The following CPED1 variants were observed in gnomAD, a reference collection of about 807,000 sequenced individuals.
CPED1 encodes the protein cadherin-like and PC-esterase domain-containing protein 1.
CPED1 carries 114 observed loss-of-function variants against 128.2 expected under a neutral mutation model. The ratio of observed to expected loss-of-function variants is 0.89; its 90% CI spans 0.76 to 1.04. The LOEUF (loss-of-function observed/expected upper bound fraction) is 1.04, where lower values mean the gene tolerates loss of function less well. Ranked by LOEUF, CPED1 falls within the 50% of genes least tolerant of loss-of-function variation. The pLI, the probability that CPED1 is intolerant of heterozygous loss-of-function variation, is 0.00. For missense variants in CPED1, 1,211 were observed against 1,207.1 expected (o/e 1.00, Z -0.05); for synonymous variants, 462 against 426.7 (o/e 1.08, Z -1.02).
At chr7:121,119,612 T>C (rs1219461734) in intron 7 of CPED1, among the ~76,000 whole-genome samples, 1 of 150,704 alleles carries the variant, frequency 6.6e-6, no homozygotes, top group Non-Finnish European at 1.5e-5. Context: ...GATCACGAGG[T>C]CAGGAGATCG....
At position 121,124,146 on chromosome 7, in the gene CPED1, A is replaced by G. The variant is rs116837075; in HGVS notation, c.919-185A>G. 7.1e-3 allele frequency among the ~76,000 whole-genome samples: 1,077 copies of G among 152,282 alleles called. 16 individuals are homozygous for G. The highest frequency in any genetic ancestry group is 0.025 in the African/African-American group (1,033 of 41,556). On this transcript the variant is annotated intron_variant, in intron 7 of 22. Transcript: ENST00000310396. ...TCTAAAGAAATTTAAATTACAAGAC[A>G]TTTAAACCTTTCTCTTTCAATATAC...
intron 9 of CPED1, among the ~76,000 whole-genome samples, chr7:121,126,677 C>G (rs1795512037): frequency 6.6e-6 from 1 of 152,044 alleles, no homozygotes; most frequent in South Asian, 2.1e-4. Context: ...CAAGATTTCT[C>G]CATAAAAATT....
chr7:121,287,055 C>A (rs60260855), intron 22 of CPED1, among the ~76,000 whole-genome samples: 16,446 of 152,224 alleles, frequency 0.11, 1,146 homozygotes, highest in East Asian at 0.23. Flanking sequence ...ATGAAAACAG[C>A]ATGGAGGAAA....
At chr7:121,274,976 A>G (rs1418145471) in intron 22 of CPED1, among the ~76,000 whole-genome samples, 1 of 152,140 alleles carries the variant, frequency 6.6e-6, no homozygotes. Context: ...AAAGCTTACC[A>G]TAAAATACTA....
At position 121,063,240 on chromosome 7, in the gene CPED1, T is replaced by G. The variant is rs1793726513; in HGVS notation, c.541-998T>G. Among the ~76,000 whole-genome samples the G allele has an allele frequency of 2.0e-5, 3 of 152,112 alleles. No homozygotes were observed. In the South Asian group the frequency reaches 6.2e-4, roughly 32 times the overall value. ...TAAAGTAGCAAGGATTGGGGAAGAT[T>G]TCATCAATGCACAGTTGCCAAGCAC... On this transcript the variant is annotated intron_variant, in intron 4 of 22. Transcript: ENST00000310396.
At chr7:120,989,253 A>G in intron 1 of CPED1, 138 bp from the exon 2 acceptor site, 1 of 214,608 alleles carries the variant, frequency 4.7e-6, no homozygotes, top group Non-Finnish European at 9.4e-6. Context: ...TGCAAAGCTG[A>G]GGCAGAGTCG....
chr7:121,218,319 G>A (rs902879217), intron 16 of CPED1, among the ~76,000 whole-genome samples: 3 of 151,868 alleles, frequency 2.0e-5, no homozygotes, highest in African/African-American at 7.2e-5. Flanking sequence ...ATTGTAGACA[G>A]GAAATGTCCA....
chr7:121,124,654 T>C (rs1482374940), intron 8 of CPED1, among the ~76,000 whole-genome samples, 181 bp downstream of exon 8: 4 of 152,106 alleles, frequency 2.6e-5, no homozygotes, highest in South Asian at 2.1e-4. Context: ...CCTAAAACTT[T>C]AGAACGTGTG....
chr7:121,143,982 A>C (rs943266570), intron 16 of CPED1, among the ~76,000 whole-genome samples: 1 of 152,044 alleles, frequency 6.6e-6, no homozygotes, highest in Non-Finnish European at 1.5e-5. Flanking sequence ...GATACACACA[A>C]ATATGAAACA....
At chr7:121,167,801 G>A (rs1279003618) in intron 16 of CPED1, among the ~76,000 whole-genome samples, 8 of 142,658 alleles carry the variant, frequency 5.6e-5, no homozygotes, top group Admixed American at 1.5e-4. Context: ...GAGCGATCTC[G>A]GCCCACTGCA....
At chr7:121,227,007 A>C (rs1798029953) in intron 16 of CPED1, among the ~76,000 whole-genome samples, 2 of 152,084 alleles carry the variant, frequency 1.3e-5, no homozygotes. Flanking sequence ...GAAATTTCTC[A>C]AAAGGGAGAA....
chr7:121,060,749 A>C (rs956848418), intron 4 of CPED1, among the ~76,000 whole-genome samples: 1 of 152,224 alleles, frequency 6.6e-6, no homozygotes, highest in Non-Finnish European at 1.5e-5. Flanking sequence ...AGATAAGAGA[A>C]TAAAAGCAGG....
At chr7:121,008,773 A>G (rs759647880) in intron 2 of CPED1, among the ~76,000 whole-genome samples, 35 of 152,010 alleles carry the variant, frequency 2.3e-4, no homozygotes, top group Non-Finnish European at 4.0e-4. Context: ...TAGCCCTCCT[A>G]GTGAGGGCTA....
rs775908305 is a variant in CPED1 at position 121,291,305 on chromosome 7, G to A, written c.2869-4135G>A. ...ATACGGGCTTCTTTTGGTTTCATAT[G>A]AAATTTAAAGTAGTTTTCTAATTCT... On this transcript the variant is annotated intron_variant, in intron 22 of 22. Transcript: ENST00000310396. Among the ~76,000 whole-genome samples, 22 of 152,268 alleles carry A rather than the reference G, an allele frequency of 1.4e-4. No individual in the cohort carries two copies. In the Middle Eastern group the frequency reaches 0.01, roughly 71 times the overall value.
rs1684126379 is a variant in CPED1, at chr7:121,296,981, C to T, written c.*1329C>T. ...ATCAGTTCTTTTGTATGAATATCCACCTCCTTTAAATACTCTATTTTTATA... is the reference window on the plus strand; with the variant it reads ...ATCAGTTCTTTTGTATGAATATCCATCTCCTTTAAATACTCTATTTTTATA... On this transcript the variant is annotated 3_prime_UTR_variant, in exon 23 of 23. Transcript: ENST00000310396. 1.3e-5 allele frequency: 2 copies of T among 151,900 alleles called. No homozygotes were observed. Among genetic ancestry groups the T allele is most frequent in the Admixed American group, 6.6e-5 (1 of 15,240 alleles). The allele number at this position is 151,900 out of a possible 1,614,324, so 9.4% of individuals were successfully genotyped here.
intron 16 of CPED1, among the ~76,000 whole-genome samples, chr7:121,162,951 A>G (rs1584560239): frequency 6.6e-6 from 1 of 152,358 alleles, no homozygotes; most frequent in East Asian, 1.9e-4. Context: ...TAAGAGGCCA[A>G]TTCCTCCAAA....
chr7:120,990,261 T>G (rs966996235), intron 2 of CPED1, among the ~76,000 whole-genome samples: 2 of 152,154 alleles, frequency 1.3e-5, no homozygotes, highest in Non-Finnish European at 2.9e-5. Flanking sequence ...CTCAAGGCAG[T>G]CAGTATGAGT....
chr7:121,043,862 G>A (rs534951476), intron 3 of CPED1, among the ~76,000 whole-genome samples: 1 of 152,312 alleles, frequency 6.6e-6, no homozygotes, highest in African/African-American at 2.4e-5. Context: ...CGCTGTGCAG[G>A]CCAAATGTAT....
chr7:121,136,424 C>T (rs1795783740), intron 14 of CPED1, among the ~76,000 whole-genome samples: 1 of 152,026 alleles, frequency 6.6e-6, no homozygotes, highest in Non-Finnish European at 1.5e-5. Context: ...CACTACCTGG[C>T]AGTGATTTCT....
Sources: gnomAD v4.1 joint callset for allele counts (sites outside exome capture counted in the v4.1 genomes callset) on GRCh38, gnomAD v4.1.1 for gene constraint, MANE v1.5 for transcripts, NCBI Gene and HGNC (gene_info 2026-07-23, HGNC 2026-07-21) for gene names.